CACNA1S: variants seen among roughly 807,000 people sequenced by gnomAD.
CACNA1S encodes the protein calcium voltage-gated channel subunit alpha1 S.
A neutral mutation model predicts 207.4 loss-of-function variants in CACNA1S; 126 were observed. That is an observed-to-expected ratio of 0.61 (90% CI 0.53 to 0.70). The LOEUF (loss-of-function observed/expected upper bound fraction) is 0.70, where lower values mean the gene tolerates loss of function less well. Among genes scored for constraint, CACNA1S ranks in the 30% least tolerant of loss-of-function variants. The pLI, the probability that CACNA1S is intolerant of heterozygous loss-of-function variation, is 0.00. For missense variants in CACNA1S, 2,349 were observed against 2,422.8 expected (o/e 0.97, Z 0.64); for synonymous variants, 960 against 932.7 (o/e 1.03, Z -0.53).
chr1:201,107,757 G>A (rs1662950826), intron 2 of CACNA1S, among the ~76,000 whole-genome samples: 1 of 152,118 alleles, frequency 6.6e-6, no homozygotes, highest in Non-Finnish European at 1.5e-5. Context: ...GGGTTTTGTG[G>A]ACATGAACAG....
Position 201,077,946 on chromosome 1 carries a change from C to A in CACNA1S, c.1552G>T (p.Ala518Ser), listed in dbSNP as rs776209588. 6.2e-7 allele frequency: 1 copy of A among 1,614,154 alleles called. No homozygotes were observed. The highest frequency in any genetic ancestry group is 8.5e-7 in the Non-Finnish European group (1 of 1,179,978). ...ILEILLVESG[A>S]MTPLGISVLR... ...ACGGAGATGCCCAGGGGTGTCATGG[C>A]ACCCGACTCCACCAGCAGGATCTCC... The change falls in exon 11 of 44, where the codon GCC becomes TCC. Residue 518 changes from alanine (A) to serine (S), a missense_variant. Transcript: ENST00000362061.
intron 2 of CACNA1S, 38 bp downstream of exon 2, chr1:201,110,126 C>A: frequency 6.3e-7 from 1 of 1,582,380 alleles, no homozygotes; most frequent in Non-Finnish European, 8.7e-7. Flanking sequence ...CCTGGGGCTG[C>A]AGGCTCGCAG....
chr1:201,074,918 C>T (rs1164383002), intron 13 of CACNA1S, among the ~76,000 whole-genome samples: 3 of 152,202 alleles, frequency 2.0e-5, no homozygotes, highest in South Asian at 2.1e-4. Context: ...GAGACCCATG[C>T]GAGGCACACA....
chr1:201,043,059 T>G (rs1424374099), intron 40 of CACNA1S: 1 of 554,650 alleles, frequency 1.8e-6, no homozygotes, highest in African/African-American at 1.9e-5. Context: ...CTCTCAACAC[T>G]GGGGCCAATA....
chr1:201,054,088 G>A (rs1042930114), intron 29 of CACNA1S, among the ~76,000 whole-genome samples: 1 of 152,184 alleles, frequency 6.6e-6, no homozygotes, highest in Non-Finnish European at 1.5e-5. Context: ...TCTAAGCCAG[G>A]CAAGCCTCTA....
intron 22 of CACNA1S, among the ~76,000 whole-genome samples, chr1:201,064,613 G>A (rs1053187796): frequency 6.6e-6 from 1 of 152,214 alleles, no homozygotes; most frequent in Non-Finnish European, 1.5e-5. Context: ...TTATGACTTT[G>A]AAAGATCGTG....
Position 201,053,534 on chromosome 1 carries a change from G to C in CACNA1S, c.3720C>G (p.Val1240=), listed in dbSNP as rs1293933730. 6.8e-6 allele frequency: 11 copies of C among 1,614,126 alleles called. No individual in the cohort carries two copies. Among genetic ancestry groups the C allele is most frequent in the Non-Finnish European group, 9.3e-6 (11 of 1,180,006 alleles). ...ISSAFFRLFR[V]MRLIKLLSRA... ...GGCTCAGCAGCTTGATCAGCCTCAT[G>C]ACACGGAACAGGCGGAAGAAGGCGC... is the stretch of plus-strand genomic sequence containing the variant. The change falls in exon 30 of 44, where the codon GTC becomes GTG. Residue 1240 remains valine (V), a synonymous_variant. Coordinates refer to ENST00000362061, the MANE Select transcript of CACNA1S (RefSeq NM_000069.3). The surrounding 1 kb of genome is among the most constrained non-coding windows in gnomAD (Gnocchi z 5.1).
intron 29 of CACNA1S, 104 bp downstream of exon 29, chr1:201,054,401 G>A (rs1660761173): frequency 8.3e-7 from 1 of 1,208,394 alleles, no homozygotes; most frequent in South Asian, 1.2e-5. Context: ...GGAGCCCTGA[G>A]TGCTGATCCA....
In CACNA1S at chr1:201,061,972, T is replaced by C. The variant is rs1161561007; in HGVS notation, c.3025A>G (p.Thr1009Ala). The C allele has an allele frequency of 6.2e-7, 1 of 1,614,018 alleles. No individual in the cohort carries two copies. Among genetic ancestry groups the C allele is most frequent in the African/African-American group, 1.3e-5 (1 of 74,914 alleles). Reference sequence around the variant, plus strand: ...GGCCATCCCTCGAAGGTGGAGACCGTGAAGAGGGACATCATGGCTGAGAGC... The same window carrying C: ...GGCCATCCCTCGAAGGTGGAGACCGCGAAGAGGGACATCATGGCTGAGAGC... Reference protein sequence around the residue: ...NVLSAMMSLFTVSTFEGWPQL... With the variant: ...NVLSAMMSLFAVSTFEGWPQL... Residue 1009 changes from threonine (T) to alanine (A), a missense_variant, in exon 24 of 44, where the codon ACG (threonine) becomes GCG (alanine). Coordinates refer to ENST00000362061, the MANE Select transcript of CACNA1S (RefSeq NM_000069.3).
intron 2 of CACNA1S, among the ~76,000 whole-genome samples, chr1:201,095,601 A>T (rs1451559973): frequency 6.6e-6 from 1 of 152,212 alleles, no homozygotes; most frequent in Non-Finnish European, 1.5e-5. Flanking sequence ...AGACTGCAAC[A>T]TACAAGGACT....
intron 2 of CACNA1S, among the ~76,000 whole-genome samples, chr1:201,095,252 G>A (rs2102169608): frequency 6.6e-6 from 1 of 151,642 alleles, no homozygotes; most frequent in Non-Finnish European, 1.5e-5. Context: ...GTTACACAAG[G>A]GGGTCTGTAC....
Position 201,066,771 on chromosome 1 carries a change from G to A in CACNA1S, c.2657+116C>T, listed in dbSNP as rs905290994. ...ACCCCCTGCCTCCATCGGAGGCCCCGAGAGACCCTCCTCTTGTGGCAGGGG... is the reference window on the plus strand; with the variant it reads ...ACCCCCTGCCTCCATCGGAGGCCCCAAGAGACCCTCCTCTTGTGGCAGGGG... On this transcript the variant is annotated intron_variant, in intron 20 of 43. Transcript: ENST00000362061. The surrounding 1 kb of genome is among the most constrained non-coding windows in gnomAD (Gnocchi z 4.3). 9 of 794,504 alleles carry A rather than the reference G, an allele frequency of 1.1e-5. No individual in the cohort carries two copies. Among genetic ancestry groups the A allele is most frequent in the Admixed American group, 4.0e-5 (2 of 50,202 alleles). 49.2% of individuals were successfully genotyped at this position (794,504 alleles called of 1,614,324 possible). A position where few individuals can be genotyped will look rare whatever the true frequency, so the allele number is the denominator to read the frequency against.
intron 39 of CACNA1S, 53 bp from the exon 40 acceptor site, chr1:201,043,584 G>A: frequency 6.5e-7 from 1 of 1,547,800 alleles, no homozygotes; most frequent in South Asian, 1.1e-5. Flanking sequence ...GAGGGCATGG[G>A]GGGCTGTCAC....
chr1:201,088,019 G>C (rs61022937), intron 6 of CACNA1S, 90 bp from the exon 7 acceptor site: 1 of 840,750 alleles, frequency 1.2e-6, no homozygotes, highest in Non-Finnish European at 2.0e-6. Context: ...AACCCTGGGG[G>C]ACAAGGAGAG....
intron 3 of CACNA1S, 30 bp from the exon 4 acceptor site, chr1:201,092,144 C>A: frequency 6.2e-7 from 1 of 1,613,944 alleles, no homozygotes; most frequent in South Asian, 1.1e-5. Flanking sequence ...GAGAGGGGGT[C>A]CAGGGGTTGG....
In CACNA1S at chr1:201,087,945, G is replaced by A. The variant is rs753250644; in HGVS notation, c.901-16C>T. ...CATCATTGACCTGGTCAGGACAGAA[G>A]TGTGATCCTCTGAGTTGAGGGCTTG... is the stretch of plus-strand genomic sequence containing the variant. On this transcript the variant is annotated splice_polypyrimidine_tract_variant and intron_variant, in intron 6 of 43. Coordinates refer to ENST00000362061, the MANE Select transcript of CACNA1S (RefSeq NM_000069.3). 6.4e-7 allele frequency: 1 copy of A among 1,551,138 alleles called. No homozygotes were observed. Among genetic ancestry groups the A allele is most frequent in the Non-Finnish European group, 8.9e-7 (1 of 1,124,240 alleles).
chr1:201,085,422 C>T lies in CACNA1S; in HGVS notation c.1150+14G>A, dbSNP rs776256379. ...GAGTGGGGTGAGTGCTGACCACAGC[C>T]TTTGGGCCCAAACCTTCTCTGAAGT... On this transcript the variant is annotated intron_variant, in intron 8 of 43. Coordinates refer to ENST00000362061, the MANE Select transcript of CACNA1S (RefSeq NM_000069.3). 1.4e-5 allele frequency: 23 copies of T among 1,613,740 alleles called. No homozygotes were observed. Among genetic ancestry groups the T allele is most frequent in the African/African-American group, 2.7e-5 (2 of 74,800 alleles).
chr1:201,050,561 G>A (rs556076885), intron 33 of CACNA1S, 45 bp from the exon 34 acceptor site: 1 of 1,612,728 alleles, frequency 6.2e-7, no homozygotes, highest in Non-Finnish European at 8.5e-7. Context: ...AAGGCAGGTG[G>A]TACAGGGTTA....
chr1:201,071,884 A>G (rs1369736632), intron 16 of CACNA1S, among the ~76,000 whole-genome samples: 1 of 152,248 alleles, frequency 6.6e-6, no homozygotes, highest in Non-Finnish European at 1.5e-5. Flanking sequence ...GCATTCATTC[A>G]TTCAATTTAT....
Sources: allele counts gnomAD v4.1 joint callset (sites outside exome capture counted in the v4.1 genomes callset), GRCh38; gene constraint gnomAD v4.1.1; non-coding constraint Gnocchi (gnomAD v3.1); transcripts MANE v1.5; gene names NCBI Gene and HGNC (gene_info 2026-07-23, HGNC 2026-07-21).